Variants in ALDH3B2 observed in about 807,000 individuals in gnomAD.
The protein encoded by ALDH3B2 is aldehyde dehydrogenase 3 family member B2, also known as aldehyde dehydrogenase family 3 member B2.
ALDH3B2 carries 45 observed loss-of-function variants against 36.7 expected under a neutral mutation model. The observed-to-expected ratio is 1.23, with a 90% confidence interval of 0.97 to 1.57. ALDH3B2 has a LOEUF of 1.57. Among genes scored for constraint, ALDH3B2 ranks in the 40% most tolerant of loss-of-function variants. The pLI is 0.00. For missense variants in ALDH3B2, 464 were observed against 513.3 expected (o/e 0.90, Z 0.93); for synonymous variants, 217 against 226.5 (o/e 0.96, Z 0.38).
chr11:67,665,154 A>C lies in ALDH3B2; in HGVS notation c.706+131T>G, dbSNP rs1003129231. On this transcript the variant is annotated intron_variant, in intron 7 of 9. Coordinates refer to ENST00000349015, the Ensembl canonical transcript of ALDH3B2. Reference sequence around the variant, plus strand: ...GAGACGGAATCGTGGCACCAGAGCCATGGCTCAAGGCCGGGCTCTGATAGT... The same window carrying C: ...GAGACGGAATCGTGGCACCAGAGCCCTGGCTCAAGGCCGGGCTCTGATAGT... 7.5e-6 allele frequency: 11 copies of C among 1,464,476 alleles called. No individual in the cohort carries two copies. In the East Asian group the frequency reaches 2.5e-4, roughly 34 times the overall value. 90.7% of individuals were successfully genotyped at this position (1,464,476 alleles called of 1,614,324 possible).
intron 6 of ALDH3B2, 69 bp from the exon 7 acceptor site, chr11:67,665,740 C>T (rs1855890652): frequency 1.3e-5 from 20 of 1,537,158 alleles, no homozygotes; most frequent in Non-Finnish European, 1.7e-5. Context: ...CAGCCCAGAG[C>T]CTGCTCCTCC....
At chr11:67,663,225 G>T in exon 10 of ALDH3B2, 1 of 1,609,004 alleles carries the variant, frequency 6.2e-7, no homozygotes, top group Non-Finnish European at 8.5e-7. Flanking sequence ...TCACAGGAGG[G>T]TGCAGCTCTG....
At chr11:67,678,325 C>T (rs1487261908), upstream of ALDH3B2, among the ~76,000 whole-genome samples, 1 of 152,142 alleles carries the variant, frequency 6.6e-6, no homozygotes, top group Non-Finnish European at 1.5e-5. Context: ...CAAATACTTA[C>T]AGGCAGCTGA....
At chr11:67,672,042 CATATATATATATATATATATATATAT>C (rs57997475) in intron 1 of ALDH3B2, among the ~76,000 whole-genome samples, 25 of 49,496 alleles carry the variant, frequency 5.1e-4, no homozygotes, top group African/African-American at 1.5e-3. Context: ...CGATGTACTT[CATATATATATATATATATATATATAT>C]ATATATATAT....
chr11:67,669,980 C>A, intron 1 of ALDH3B2, among the ~76,000 whole-genome samples: 1 of 81,432 alleles, frequency 1.2e-5, no homozygotes, highest in Non-Finnish European at 2.6e-5. Context: ...GTATGGGTGT[C>A]TGTATGTGTA....
At position 67,666,309 on chromosome 11, in the gene ALDH3B2, C is replaced by G; in HGVS notation, c.237+7G>C. On this transcript the variant is annotated splice_region_variant and intron_variant, in intron 5 of 9. Transcript: ENST00000349015. ...GTCGGGCACTGCTGGGGCAGGGCCA[C>G]CCTCACCTGGTCCAGGTACTGGGGC... The G allele has an allele frequency of 6.2e-7, 1 of 1,609,054 alleles. No individual in the cohort carries two copies. The highest frequency in any genetic ancestry group is 8.5e-7 in the Non-Finnish European group (1 of 1,177,674).
intron 4 of ALDH3B2, 39 bp from the exon 5 acceptor site, chr11:67,666,440 G>T (rs1320053675): frequency 6.2e-6 from 10 of 1,606,754 alleles, no homozygotes; most frequent in Middle Eastern, 1.7e-4. Context: ...GGGAGCCCAG[G>T]GTCCCCATGC....
intron 1 of ALDH3B2, among the ~76,000 whole-genome samples, chr11:67,669,057 G>A (rs117912314): frequency 0.016 from 2,454 of 150,982 alleles, 52 homozygotes; most frequent in African/African-American, 0.051. Flanking sequence ...GTGTCTCTGC[G>A]TGTATGGGTG....
At chr11:67,668,550 G>GTGTCTTTGTGTATCCGTGTGTC (rs1855985377) in intron 1 of ALDH3B2, among the ~76,000 whole-genome samples, 1 of 152,178 alleles carries the variant, frequency 6.6e-6, no homozygotes, top group African/African-American at 2.4e-5. Flanking sequence ...GTGTCTGTGT[G>GTGTCTTTGTGTATCCGTGTGTC]TGTCTTTGTG....
exon 7 of ALDH3B2, chr11:67,665,437 C>T: frequency 1.9e-6 from 3 of 1,614,076 alleles, no homozygotes; most frequent in Middle Eastern, 3.3e-4. Context: ...GGTGATGGTG[C>T]TCTGCAGGGC....
At chr11:67,679,835 G>A (rs184230756) in intron 1 of ALDH3B2, among the ~76,000 whole-genome samples, 72 of 152,160 alleles carry the variant, frequency 4.7e-4, no homozygotes, top group Non-Finnish European at 7.5e-4. Flanking sequence ...AGTATAATAA[G>A]CCTAAAACTT....
chr11:67,667,480 A>G lies in ALDH3B2; in HGVS notation c.-89T>C, dbSNP rs574443551. On this transcript the variant is annotated 5_prime_UTR_variant, in exon 2 of 10. Coordinates refer to ENST00000349015, the Ensembl canonical transcript of ALDH3B2. ...CCACTCTCCACGGCCCACCTTATGC[A>G]GGTCCTGGGCCAGCACGTCGCGCAG... 5.0e-5 allele frequency: 19 copies of G among 382,722 alleles called. No homozygotes were observed. In the East Asian group the frequency reaches 7.3e-4, roughly 15 times the overall value. The allele number at this position is 382,722 out of a possible 1,614,324, so 23.7% of individuals were successfully genotyped here. A position where few individuals can be genotyped will look rare whatever the true frequency, so the allele number is the denominator to read the frequency against.
At chr11:67,671,019 C>T (rs1591147001) in intron 1 of ALDH3B2, 1 of 152,650 alleles carries the variant, frequency 6.6e-6, no homozygotes, top group Admixed American at 6.5e-5. Context: ...GCAGCCTCCA[C>T]CCGGCGCTCA....
At chr11:67,666,068 T>G in intron 6 of ALDH3B2, 54 bp downstream of exon 6, 3 of 1,014,946 alleles carry the variant, frequency 3.0e-6, no homozygotes, top group Non-Finnish European at 2.9e-6. Flanking sequence ...CCTCCCACCC[T>G]CTCTCCTGAT....
At chr11:67,669,045 CTG>C (rs1203367243) in intron 1 of ALDH3B2, among the ~76,000 whole-genome samples, 3 of 142,940 alleles carry the variant, frequency 2.1e-5, no homozygotes, top group Admixed American at 7.0e-5. Flanking sequence ...GTATGGATGT[CTG>C]TGTCTCTGCG....
chr11:67,677,611 A>T (rs1856295097), upstream of ALDH3B2, among the ~76,000 whole-genome samples: 1 of 152,160 alleles, frequency 6.6e-6, no homozygotes, highest in Admixed American at 6.5e-5. Flanking sequence ...CAGAGCAATC[A>T]GATGAGAAAA....
chr11:67,674,460 T>A (rs1209083658), exon 1 of ALDH3B2: 1 of 154,098 alleles, frequency 6.5e-6, no homozygotes, highest in Non-Finnish European at 1.4e-5. Context: ...TGCCCCTGGG[T>A]CCTTCGCTGC....
chr11:67,669,980 C>CTG (rs1856049847), intron 1 of ALDH3B2, among the ~76,000 whole-genome samples: 1 of 81,430 alleles, frequency 1.2e-5, no homozygotes, highest in Non-Finnish European at 2.6e-5. Flanking sequence ...GTATGGGTGT[C>CTG]TGTATGTGTA....
At chr11:67,675,851 C>G (rs1247708459), upstream of ALDH3B2, among the ~76,000 whole-genome samples, 2 of 152,162 alleles carry the variant, frequency 1.3e-5, no homozygotes, top group Non-Finnish European at 2.9e-5. Context: ...TGAATGCTAT[C>G]TCAATAAGCT....
Sources: allele counts gnomAD v4.1 joint callset (sites outside exome capture counted in the v4.1 genomes callset), GRCh38; gene constraint gnomAD v4.1.1; transcripts MANE v1.5; gene names NCBI Gene and HGNC (gene_info 2026-07-23, HGNC 2026-07-21).